OSMR: variants seen among roughly 807,000 people sequenced by gnomAD.
OSMR encodes the protein oncostatin M receptor.
A neutral mutation model predicts 99.9 loss-of-function variants in OSMR; 81 were observed. The ratio of observed to expected loss-of-function variants is 0.81; its 90% CI spans 0.68 to 0.97. OSMR has a LOEUF of 0.97. Ranked by LOEUF, OSMR falls within the 50% of genes least tolerant of loss-of-function variation. The pLI is 0.00. For synonymous variants in OSMR, 406 were observed against 410.4 expected, an observed-to-expected ratio of 0.99 and a Z score of 0.13; for missense variants, 1,099 against 1,153.4, an observed-to-expected ratio of 0.95 and a Z score of 0.68.
chr5:38,887,376 G>T (rs562002154), intron 7 of OSMR, among the ~76,000 whole-genome samples: 1 of 152,232 alleles, frequency 6.6e-6, no homozygotes, highest in East Asian at 1.9e-4. Context: ...ATCCATCTGG[G>T]ATTGATTTTT....
chr5:38,861,772 C>T (rs531051558), intron 1 of OSMR, among the ~76,000 whole-genome samples: 33 of 148,546 alleles, frequency 2.2e-4, no homozygotes, highest in Admixed American at 1.6e-3. Flanking sequence ...CCCTCCTGGA[C>T]GGGGCGGCTG....
chr5:38,879,623 T>C (rs1238047977), intron 3 of OSMR, among the ~76,000 whole-genome samples: 1 of 114,670 alleles, frequency 8.7e-6, no homozygotes, highest in Non-Finnish European at 1.7e-5. Flanking sequence ...TATTTGCTCC[T>C]TTTTTTTTTT....
intron 1 of OSMR, among the ~76,000 whole-genome samples, chr5:38,856,917 T>TAA (rs1218606776): frequency 1.3e-5 from 2 of 152,180 alleles, no homozygotes; most frequent in Non-Finnish European, 2.9e-5. Flanking sequence ...GCTGGGATTA[T>TAA]AAGCATGAGC....
At chr5:38,885,182 C>A (rs1743614604) in intron 5 of OSMR, 167 bp from the exon 6 acceptor site, 2 of 985,298 alleles carry the variant, frequency 2.0e-6, no homozygotes, top group Non-Finnish European at 2.4e-6. Flanking sequence ...GATGAGGTGA[C>A]CCCTGAAAAG....
chr5:38,866,625 G>GGCTGCA (rs1190530131), intron 1 of OSMR, among the ~76,000 whole-genome samples: 5 of 152,188 alleles, frequency 3.3e-5, no homozygotes, highest in African/African-American at 9.6e-5. Context: ...ATGTCCGCAG[G>GGCTGCA]GCTGCAGGAA....
chr5:38,848,692 T>C (rs1740085360), intron 1 of OSMR, among the ~76,000 whole-genome samples: 1 of 152,224 alleles, frequency 6.6e-6, no homozygotes, highest in African/African-American at 2.4e-5. Flanking sequence ...CTATACTTAT[T>C]GTACAGCTTG....
chr5:38,877,310 A>T (rs75076723), intron 3 of OSMR, among the ~76,000 whole-genome samples: 1 of 152,322 alleles, frequency 6.6e-6, no homozygotes, highest in South Asian at 2.1e-4. Context: ...GGTAAGGCAT[A>T]CAAGTCACTA....
chr5:38,869,826 G>A (rs1428372838), intron 2 of OSMR, among the ~76,000 whole-genome samples: 1 of 151,910 alleles, frequency 6.6e-6, no homozygotes, highest in Non-Finnish European at 1.5e-5. Flanking sequence ...ATAATTTTTT[G>A]TATCTTTCAT....
At position 38,925,265 on chromosome 5, in the gene OSMR, C is replaced by A. The variant is rs988517561; in HGVS notation, c.2106C>A (p.Asp702Glu). The change falls in exon 15 of 18, where the codon GAC becomes GAA. Residue 702 changes from aspartate (D) to glutamate (E), a missense_variant. Asp to Glu is a conservative substitution (Grantham distance 45). Transcript: ENST00000274276. ...CGGAAGAAAAGGCATTGATTGTGGACAACCTAAAGCCAGAATCCTTCTATG... is the reference window on the plus strand; with the variant it reads ...CGGAAGAAAAGGCATTGATTGTGGAAAACCTAAAGCCAGAATCCTTCTATG... ...DNPEEKALIVDNLKPESFYEF... is the reference protein window; with the variant it reads ...DNPEEKALIVENLKPESFYEF... 1 of 1,613,764 alleles carries A rather than the reference C, an allele frequency of 6.2e-7. No homozygotes were observed.
At chr5:38,943,197 T>C (rs1747792994) in intron 1 of OSMR, 1 of 401,828 alleles carries the variant, frequency 2.5e-6, no homozygotes, top group Non-Finnish European at 4.4e-6. Context: ...ACCTGAATAC[T>C]TCTTGTAAAA....
chr5:38,850,879 T>C (rs1228288826), intron 1 of OSMR, among the ~76,000 whole-genome samples: 2 of 152,228 alleles, frequency 1.3e-5, no homozygotes, highest in Non-Finnish European at 2.9e-5. Context: ...AGTGTGTCTG[T>C]CTGTCAGCCG....
chr5:38,853,029 C>A (rs564842343), intron 1 of OSMR, among the ~76,000 whole-genome samples: 19 of 152,244 alleles, frequency 1.2e-4, no homozygotes, highest in African/African-American at 4.6e-4. Flanking sequence ...CCGCGCCCGG[C>A]CCTATTGTTT....
intron 1 of OSMR, among the ~76,000 whole-genome samples, chr5:38,859,232 AG>A (rs2112112108): frequency 6.6e-6 from 1 of 152,248 alleles, no homozygotes; most frequent in East Asian, 1.9e-4. Flanking sequence ...TTTATAGTTT[AG>A]GCATTATGTT....
At chr5:38,878,485 G>A (rs560865905) in intron 3 of OSMR, among the ~76,000 whole-genome samples, 1 of 152,284 alleles carries the variant, frequency 6.6e-6, no homozygotes, top group South Asian at 2.1e-4. Context: ...ACCCTGAACT[G>A]CATGGTCCTG....
At chr5:38,941,692 A>G in intron 1 of OSMR, 1 of 232,422 alleles carries the variant, frequency 4.3e-6, no homozygotes, top group Non-Finnish European at 8.5e-6. Flanking sequence ...TAGTAACATA[A>G]AAATAACTTA....
chr5:38,912,620 C>A (rs560667815), intron 9 of OSMR, among the ~76,000 whole-genome samples: 1 of 152,184 alleles, frequency 6.6e-6, no homozygotes, highest in Non-Finnish European at 1.5e-5. Context: ...ATAGACAAAG[C>A]ATTTCTAAGC....
intron 1 of OSMR, among the ~76,000 whole-genome samples, chr5:38,850,374 A>G (rs1011385631): frequency 5.9e-5 from 9 of 152,252 alleles, no homozygotes; most frequent in South Asian, 2.1e-4. Flanking sequence ...GAACTAAATT[A>G]TAGTTGTTTT....
chr5:38,913,564 A>G (rs886499108), intron 9 of OSMR, among the ~76,000 whole-genome samples: 1 of 143,490 alleles, frequency 7.0e-6, no homozygotes, highest in African/African-American at 2.6e-5. Flanking sequence ...AAAAAAAAAA[A>G]AATGGGTGAA....
intron 14 of OSMR, 66 bp downstream of exon 14, chr5:38,924,661 T>G: frequency 7.6e-7 from 1 of 1,309,492 alleles, no homozygotes; most frequent in Non-Finnish European, 1.1e-6. Flanking sequence ...TCATTTAAAA[T>G]AATGGCTGCC....
Sources: allele counts gnomAD v4.1 joint callset (sites outside exome capture counted in the v4.1 genomes callset), GRCh38; gene constraint gnomAD v4.1.1; transcripts MANE v1.5; gene names NCBI Gene and HGNC (gene_info 2026-07-23, HGNC 2026-07-21).